The following RPS6KA2 variants were observed in gnomAD, a reference collection of about 807,000 sequenced individuals.
RPS6KA2 encodes the protein ribosomal protein S6 kinase A2, also known as ribosomal protein S6 kinase alpha-2.
Under a neutral mutation model 91.8 loss-of-function variants are expected in RPS6KA2, and 42 were observed. The ratio of observed to expected loss-of-function variants is 0.46; its 90% confidence interval spans 0.36 to 0.59. The LOEUF (loss-of-function observed/expected upper bound fraction) is 0.59, where lower values mean the gene tolerates loss of function less well. Among genes scored for constraint, RPS6KA2 ranks in the 20% least tolerant of loss-of-function variants. RPS6KA2 has a pLI of 0.00. For missense variants in RPS6KA2, 798 were observed against 978.5 expected (o/e 0.82, Z 2.46); for synonymous variants, 414 against 393.6 (o/e 1.05, Z -0.61).
intron 2 of RPS6KA2, among the ~76,000 whole-genome samples, chr6:166,784,677 T>A (rs929738609): frequency 0.01 from 167 of 16,342 alleles, no homozygotes; most frequent in Middle Eastern, 0.1. Context: ...CACCTATCTA[T>A]ACCACATATA....
At chr6:166,633,023 TG>T (rs562291583) in intron 2 of RPS6KA2, among the ~76,000 whole-genome samples, 125 of 152,326 alleles carry the variant, frequency 8.2e-4, no homozygotes, top group African/African-American at 3.0e-3. Flanking sequence ...AAGGCCAACT[TG>T]GGCAATATGG....
At chr6:166,645,957 CG>C (rs1562361426) in intron 2 of RPS6KA2, among the ~76,000 whole-genome samples, 1 of 152,196 alleles carries the variant, frequency 6.6e-6, no homozygotes, top group Non-Finnish European at 1.5e-5. Flanking sequence ...GCTGCCAAAG[CG>C]GGCCTGGAGT....
intron 1 of RPS6KA2, among the ~76,000 whole-genome samples, chr6:166,551,113 T>C (rs1784009247): frequency 6.6e-6 from 1 of 151,904 alleles, no homozygotes; most frequent in African/African-American, 2.4e-5. Flanking sequence ...TAGACATAAA[T>C]ATGAAGGGTT....
intron 3 of RPS6KA2, 106 bp from the exon 4 acceptor site, chr6:166,510,463 A>C (rs1782424394): frequency 4.9e-6 from 3 of 610,202 alleles, no homozygotes; most frequent in Non-Finnish European, 8.1e-6. Flanking sequence ...TTCATTAAAA[A>C]ATTTCAAACA....
At chr6:166,703,167 T>C (rs1789577940) in intron 2 of RPS6KA2, among the ~76,000 whole-genome samples, 1 of 152,264 alleles carries the variant, frequency 6.6e-6, no homozygotes. Context: ...GCAGTCGTGT[T>C]TATCACCTAT....
chr6:166,743,164 C>T (rs951303282), intron 2 of RPS6KA2, among the ~76,000 whole-genome samples: 1 of 150,228 alleles, frequency 6.7e-6, no homozygotes. Context: ...GCTCCGTGGC[C>T]CCCACCAGCC....
chr6:166,695,640 C>T (rs1019324122), intron 2 of RPS6KA2, among the ~76,000 whole-genome samples: 5 of 152,164 alleles, frequency 3.3e-5, no homozygotes, highest in Non-Finnish European at 7.3e-5. Context: ...TGAGCTCTGC[C>T]TCCTGTCAGA....
rs149220896 is a variant in RPS6KA2, at chr6:166,448,291, C to G, written c.1332+433G>C. On this transcript the variant is annotated intron_variant, in intron 14 of 20. Coordinates refer to ENST00000265678, the MANE Select transcript of RPS6KA2 (RefSeq NM_021135.6). The surrounding 1 kb of genome is among the most constrained non-coding windows in gnomAD (Gnocchi z 4.7). ...GCCAAATTCTATACCTGTCCCCCAA[C>G]TCTGTTTTCTCAAAATACTGGGGGC... Among the ~76,000 whole-genome samples the G allele has an allele frequency of 4.5e-4, 69 of 152,282 alleles. No homozygotes were observed. Among genetic ancestry groups the G allele is most frequent in the Non-Finnish European group, 9.1e-4 (62 of 68,026 alleles).
chr6:166,586,617 C>T (rs1785184053), intron 1 of RPS6KA2: 3 of 722,486 alleles, frequency 4.2e-6, no homozygotes, highest in Admixed American at 3.0e-5. Flanking sequence ...GGCCTCTGGT[C>T]CACTACACCG....
chr6:166,428,361 A>G (rs1352688496), intron 16 of RPS6KA2, among the ~76,000 whole-genome samples: 1 of 144,294 alleles, frequency 6.9e-6, no homozygotes, highest in Non-Finnish European at 1.5e-5. Context: ...CTAGAAGAAA[A>G]CCTAGGCATT....
At position 166,459,062 on chromosome 6, in the gene RPS6KA2, C is replaced by G. The variant is rs1263650028; in HGVS notation, c.1075+387G>C. Among the ~76,000 whole-genome samples the G allele has an allele frequency of 6.6e-6, 1 of 152,154 alleles. No individual in the cohort carries two copies. Among genetic ancestry groups the G allele is most frequent in the Non-Finnish European group, 1.5e-5 (1 of 68,032 alleles). On this transcript the variant is annotated intron_variant, in intron 12 of 20. Coordinates refer to ENST00000265678, the MANE Select transcript of RPS6KA2 (RefSeq NM_021135.6). This position sits in a 1 kb window ranked among gnomAD's most constrained non-coding sequence, Gnocchi z 4.9. ...TTTTTTGCATGAATAATATCTATAG[C>G]TCATAAATCTATAGACATAACTGAC... is the stretch of plus-strand genomic sequence containing the variant.
intron 8 of RPS6KA2, among the ~76,000 whole-genome samples, chr6:166,497,341 G>C (rs1583207558): frequency 2.6e-5 from 4 of 152,362 alleles, no homozygotes; most frequent in Non-Finnish European, 5.9e-5. Context: ...TGTCTGTGTT[G>C]TGACTCACTT....
chr6:166,522,542 A>T (rs1782895199), intron 3 of RPS6KA2, among the ~76,000 whole-genome samples: 1 of 152,186 alleles, frequency 6.6e-6, no homozygotes, highest in African/African-American at 2.4e-5. Context: ...CGACAGACAC[A>T]CTTTCGCCTG....
chr6:166,516,455 G>A (rs557976396), intron 3 of RPS6KA2, among the ~76,000 whole-genome samples: 1 of 152,308 alleles, frequency 6.6e-6, no homozygotes, highest in Non-Finnish European at 1.5e-5. Flanking sequence ...ACTGCACACA[G>A]TGGGAGGGGT....
At chr6:166,474,350 A>G (rs997496392) in intron 10 of RPS6KA2, among the ~76,000 whole-genome samples, 4 of 152,354 alleles carry the variant, frequency 2.6e-5, no homozygotes, top group Non-Finnish European at 5.9e-5. Flanking sequence ...CACAGGCAGC[A>G]GGTGTGCTGT....
At chr6:166,567,793 T>C (rs1029154700) in intron 1 of RPS6KA2, among the ~76,000 whole-genome samples, 2 of 152,158 alleles carry the variant, frequency 1.3e-5, no homozygotes, top group Admixed American at 6.5e-5. Flanking sequence ...ACGAGCTGAA[T>C]TACCTAGACC....
intron 2 of RPS6KA2, 145 bp from the exon 3 acceptor site, chr6:166,531,458 C>A (rs1251508944): frequency 1.5e-6 from 1 of 652,348 alleles, no homozygotes; most frequent in African/African-American, 1.8e-5. Flanking sequence ...TTTTCTCCAA[C>A]GTCAAGGCTG....
At chr6:166,534,192 G>T (rs1248076638) in intron 2 of RPS6KA2, among the ~76,000 whole-genome samples, 2 of 142,134 alleles carry the variant, frequency 1.4e-5, no homozygotes, top group South Asian at 2.2e-4. Flanking sequence ...ACTGCAGTCC[G>T]GCCTGGGCGA....
intron 1 of RPS6KA2, among the ~76,000 whole-genome samples, chr6:166,596,500 C>T (rs984947067): frequency 6.6e-6 from 1 of 152,152 alleles, no homozygotes; most frequent in African/African-American, 2.4e-5. Context: ...TACTAGATGC[C>T]TCCTACCCTC....
Sources: allele counts gnomAD v4.1 joint callset (sites outside exome capture counted in the v4.1 genomes callset), GRCh38; gene constraint gnomAD v4.1.1; non-coding constraint Gnocchi (gnomAD v3.1); transcripts MANE v1.5; gene names NCBI Gene and HGNC (gene_info 2026-07-23, HGNC 2026-07-21).